Variants in ASL observed in about 807,000 individuals in gnomAD.
ASL encodes argininosuccinase.
ASL carries 51 observed loss-of-function variants against 69.1 expected under a neutral mutation model. The observed-to-expected ratio is 0.74, with a 90% confidence interval of 0.59 to 0.93. The LOEUF (loss-of-function observed/expected upper bound fraction) is 0.93. Ranked by LOEUF, ASL falls within the 40% of genes least tolerant of loss-of-function variation. The pLI, the probability that ASL is intolerant of heterozygous loss-of-function variation, is 0.00. For missense variants in ASL, 540 were observed against 623.9 expected, an observed-to-expected ratio of 0.87 and a Z score of 1.43; for synonymous variants, 241 against 247.6, an observed-to-expected ratio of 0.97 and a Z score of 0.25.
At chr7:66,075,897 GA>G in intron 1 of ASL, 41 bp downstream of exon 1, 1 of 688,232 alleles carries the variant, frequency 1.5e-6, no homozygotes, top group South Asian at 1.9e-5. Flanking sequence ...GGGCGTGGAG[GA>G]CGCCGAGCAC....
intron 14 of ASL, among the ~76,000 whole-genome samples, chr7:66,090,610 G>A (rs1786813841): frequency 6.6e-6 from 1 of 152,042 alleles, no homozygotes; most frequent in Non-Finnish European, 1.5e-5. Context: ...GGAAATTTAT[G>A]TATATAACAG....
chr7:66,087,872 C>A, intron 10 of ASL, 81 bp downstream of exon 10: 3 of 1,543,476 alleles, frequency 1.9e-6, no homozygotes, highest in Admixed American at 1.7e-5. Context: ...TCCTCCCACA[C>A]CTCCACGGAC....
Position 66,081,929 on chromosome 7 carries a change from A to G in ASL, c.139A>G (p.Arg47Gly). ...TGTTCAAGGCAGCAAAGCCTACAGC[A>G]GGGGCCTGGAGAAGGCAGGGCTCCT... ...VDVQGSKAYS[R>G]GLEKAGLLTK... Residue 47 changes from arginine (R) to glycine (G), a missense_variant, in exon 3 of 17, where the codon AGG becomes GGG. By Grantham distance (125) the Arg-to-Gly change is moderately radical. Transcript: ENST00000304874. 6.2e-7 allele frequency: 1 copy of G among 1,613,840 alleles called. No homozygotes were observed. The highest frequency in any genetic ancestry group is 8.5e-7 in the Non-Finnish European group (1 of 1,179,954).
intron 2 of ASL, among the ~76,000 whole-genome samples, chr7:66,077,851 G>A (rs1786392794): frequency 6.6e-6 from 1 of 152,208 alleles, no homozygotes. Context: ...GCCCTGAAGA[G>A]ACCATTCTGG....
chr7:66,081,655 G>T, intron 2 of ASL, 148 bp from the exon 3 acceptor site: 1 of 915,642 alleles, frequency 1.1e-6, no homozygotes, highest in South Asian at 1.8e-5. Context: ...GGTGACTCTG[G>T]GAAGGTCTCA....
At chr7:66,089,057 C>G (rs1396600369) in intron 11 of ASL, 34 bp from the exon 12 acceptor site, 2 of 1,613,256 alleles carry the variant, frequency 1.2e-6, no homozygotes, top group African/African-American at 2.7e-5. Context: ...AGCCAAGGGT[C>G]CAGCCCCTTC....
chr7:66,092,850 C>G lies in ASL; in HGVS notation c.1333C>G (p.Arg445Gly). 1.2e-6 allele frequency: 2 copies of G among 1,613,174 alleles called. No individual in the cohort carries two copies. The highest frequency in any genetic ancestry group is 1.7e-6 in the Non-Finnish European group (2 of 1,179,974). Residue 445 changes from arginine to glycine, a missense_variant, in exon 17 of 17, where the codon CGC becomes GGC. Coordinates refer to ENST00000304874, the MANE Select transcript of ASL (RefSeq NM_000048.4). ...EQYGALGGTA[R>G]SSVDWQIRQV... The stretch of plus-strand genomic sequence containing the variant: ...GTATGGTGCCCTGGGCGGCACTGCG[C>G]GCTCCAGCGTCGACTGGCAGATCCG...
At chr7:66,075,889 G>C in intron 1 of ASL, 33 bp downstream of exon 1, 1 of 653,920 alleles carries the variant, frequency 1.5e-6, no homozygotes, top group East Asian at 2.9e-5. Context: ...GGCGGGACGG[G>C]CGTGGAGGAC....
At chr7:66,086,954 G>A in intron 8 of ASL, 133 bp downstream of exon 8, 3 of 1,076,728 alleles carry the variant, frequency 2.8e-6, no homozygotes, top group Non-Finnish European at 4.0e-6. Flanking sequence ...TCTGCATGGA[G>A]CCCCAGCTCT....
At chr7:66,076,936 A>G (rs1484466619) in intron 2 of ASL, among the ~76,000 whole-genome samples, 1 of 152,132 alleles carries the variant, frequency 6.6e-6, no homozygotes, top group East Asian at 1.9e-4. Flanking sequence ...ATGCCCTGCA[A>G]GCTCAGTGCC....
chr7:66,081,441 G>A (rs564202886), intron 2 of ASL, among the ~76,000 whole-genome samples: 4 of 152,208 alleles, frequency 2.6e-5, no homozygotes, highest in African/African-American at 9.6e-5. Flanking sequence ...TTAGCTGGGT[G>A]TGGTGGCACG....
At chr7:66,082,782 T>TGGAG in intron 4 of ASL, 98 bp from the exon 5 acceptor site, 3 of 1,431,006 alleles carry the variant, frequency 2.1e-6, no homozygotes, top group Non-Finnish European at 2.9e-6. Context: ...CCCTGGGGTA[T>TGGAG]GGAGGTAGGT....
At position 66,089,708 on chromosome 7, in the gene ASL, C is replaced by T; in HGVS notation, c.1062+13C>T. The stretch of plus-strand genomic sequence containing the variant: ...CTCTACGCTGCAGGCAAGACATCAC[C>T]CCCCTGCTTCTCCTCCCCTAGGTCC... On this transcript the variant is annotated intron_variant, in intron 14 of 16. Coordinates refer to ENST00000304874, the MANE Select transcript of ASL (RefSeq NM_000048.4). 3.7e-6 allele frequency: 6 copies of T among 1,612,760 alleles called. No homozygotes were observed. The highest frequency in any genetic ancestry group is 1.7e-5 in the Admixed American group (1 of 59,922).
At position 66,076,060 on chromosome 7, in the gene ASL, G is replaced by A. The variant is rs781420770; in HGVS notation, c.-22G>A. 1.1e-4 allele frequency: 179 copies of A among 1,597,770 alleles called. No homozygotes were observed. Among genetic ancestry groups the A allele is most frequent in the Non-Finnish European group, 1.5e-4 (171 of 1,172,818 alleles). On this transcript the variant is annotated 5_prime_UTR_variant, in exon 2 of 17. Coordinates refer to ENST00000304874, the MANE Select transcript of ASL (RefSeq NM_000048.4). ...CCAGACCCGGAGGACCGAAGCTTCC[G>A]GACGACGAGGAACCGCCCAACATGG...
At chr7:66,092,227 G>A (rs1187094348) in intron 15 of ASL, 141 bp downstream of exon 15, 10 of 999,150 alleles carry the variant, frequency 1.0e-5, no homozygotes, top group Admixed American at 2.1e-5. Context: ...CGAGGTGGGC[G>A]GGTCACTTGA....
Position 66,081,883 on chromosome 7 carries a change from C to A in ASL, c.93C>A (p.Asp31Glu). The A allele has an allele frequency of 6.2e-7, 1 of 1,614,034 alleles. No homozygotes were observed. The highest frequency in any genetic ancestry group is 8.5e-7 in the Non-Finnish European group (1 of 1,180,032). ...MEKFNASIAY[D>E]RHLWEVDVQG... Reference sequence around the variant, plus strand: ...AGTTCAACGCGTCCATTGCCTACGACCGGCACCTTTGGGAGGTGGATGTTC... The same window carrying A: ...AGTTCAACGCGTCCATTGCCTACGAACGGCACCTTTGGGAGGTGGATGTTC... The change falls in exon 3 of 17, where the codon GAC (aspartate) becomes GAA (glutamate). Residue 31 changes from aspartate to glutamate, a missense_variant. Asp to Glu is a conservative substitution (Grantham distance 45). Transcript: ENST00000304874.
rs146274715 is a variant in ASL at position 66,092,835 on chromosome 7, C to T, written c.1318C>T (p.Leu440=). The T allele has an allele frequency of 3.7e-6, 6 of 1,613,612 alleles. No homozygotes were observed. In the African/African-American group the frequency reaches 8.0e-5, roughly 21 times the overall value. The change falls in exon 17 of 17, where the codon CTG becomes TTG. Residue 440 remains leucine (L), a synonymous_variant. Coordinates refer to ENST00000304874, the MANE Select transcript of ASL (RefSeq NM_000048.4). The stretch of plus-strand genomic sequence containing the variant: ...GCACAGTGTGGAGCAGTATGGTGCC[C>T]TGGGCGGCACTGCGCGCTCCAGCGT... The part of the protein sequence containing the change: ...YGHSVEQYGA[L]GGTARSSVDW...
intron 2 of ASL, among the ~76,000 whole-genome samples, chr7:66,078,839 T>G (rs538526949): frequency 5.3e-5 from 8 of 152,122 alleles, no homozygotes; most frequent in Admixed American, 1.3e-4. Context: ...TTCACCATGT[T>G]GGCCAGGCTG....
At chr7:66,076,143 G>A in intron 2 of ASL, 50 bp downstream of exon 2, 1 of 1,572,462 alleles carries the variant, frequency 6.4e-7, no homozygotes, top group Non-Finnish European at 8.6e-7. Context: ...AAAGGAGAGA[G>A]TGGGGGCGCC....
Sources: allele counts gnomAD v4.1 joint callset (sites outside exome capture counted in the v4.1 genomes callset), GRCh38; gene constraint gnomAD v4.1.1; transcripts MANE v1.5; gene names NCBI Gene and HGNC (gene_info 2026-07-23, HGNC 2026-07-21).